Variants in TENM1 observed in about 807,000 individuals in gnomAD.
TENM1 encodes the protein teneurin-1.
A neutral mutation model predicts 174.8 loss-of-function variants in TENM1; 35 were observed. The observed-to-expected ratio is 0.20, with a 90% CI of 0.15 to 0.27. The LOEUF (loss-of-function observed/expected upper bound fraction) is 0.27, where lower values mean the gene tolerates loss of function less well. Ranked by LOEUF, TENM1 falls within the 10% of genes least tolerant of loss-of-function variation. The probability of loss-of-function intolerance (pLI) is 1.00; values close to 1 mark genes in which losing one functional copy is unlikely to be tolerated. For synonymous variants in TENM1, 781 were observed against 798.7 expected, an observed-to-expected ratio of 0.98 and a Z score of 0.37; for missense variants, 1,633 against 2,130.1, an observed-to-expected ratio of 0.77 and a Z score of 4.59.
intron 11 of TENM1, among the ~76,000 whole-genome samples, chrX:124,587,383 C>T (rs1345844434): frequency 3.7e-5 from 4 of 107,014 alleles, no homozygotes; most frequent in Middle Eastern, 4.3e-3. Flanking sequence ...GAAATAATGC[C>T]ACATATCTAC....
chrX:124,644,071 G>A (rs867716231), intron 10 of TENM1, among the ~76,000 whole-genome samples: 1 of 95,957 alleles, frequency 1.0e-5, no homozygotes, highest in Non-Finnish European at 2.1e-5. Context: ...ATATATATGT[G>A]TATATATAAT....
chrX:124,878,138 T>C (rs1274799575), intron 3 of TENM1, among the ~76,000 whole-genome samples: 1 of 111,537 alleles, frequency 9.0e-6, no homozygotes, highest in Non-Finnish European at 1.9e-5. Context: ...GGGCCAACTA[T>C]ATGTTCATGC....
At chrX:124,992,137 G>A in the TENM1 span, among the ~76,000 whole-genome samples, 2 of 111,240 alleles carry the variant, frequency 1.8e-5, no homozygotes, top group African/African-American at 6.5e-5. Flanking sequence ...CTTCCCTGAA[G>A]CATGCTCAAC....
At chrX:124,735,433 TA>T (rs1043605664) in intron 4 of TENM1, among the ~76,000 whole-genome samples, 1 of 111,740 alleles carries the variant, frequency 8.9e-6, no homozygotes, top group African/African-American at 3.3e-5. Context: ...TGGCTATTAT[TA>T]AAAAGTCAAA....
At chrX:124,443,042 C>CTGTGTGTGTGTGTG (rs1288057201) in intron 23 of TENM1, among the ~76,000 whole-genome samples, 1 of 42,178 alleles carries the variant, frequency 2.4e-5, no homozygotes, top group African/African-American at 1.1e-4. Flanking sequence ...GCCTGGATGA[C>CTGTGTGTGTGTGTG]TATGTGTGTG....
chrX:124,836,375 C>A (rs1336183747), intron 3 of TENM1, among the ~76,000 whole-genome samples: 1 of 111,708 alleles, frequency 9.0e-6, no homozygotes, highest in East Asian at 2.8e-4. Context: ...TCTCTCACCT[C>A]TTTCTTCCTT....
At chrX:124,553,818 T>A (rs748474114) in intron 14 of TENM1, among the ~76,000 whole-genome samples, 1 of 111,434 alleles carries the variant, frequency 9.0e-6, no homozygotes, top group African/African-American at 3.3e-5. Context: ...AAAGTAAGCA[T>A]TCAAGGCCCA....
chrX:124,653,459 AT>A, intron 7 of TENM1, 124 bp downstream of exon 10: 1 of 503,586 alleles, frequency 2.0e-6, no homozygotes, highest in Non-Finnish European at 3.3e-6. Context: ...CTGGATATTT[AT>A]TCATGACAAA....
chrX:124,487,438 G>A (rs770542524), intron 20 of TENM1, among the ~76,000 whole-genome samples: 3 of 112,125 alleles, frequency 2.7e-5, no homozygotes, highest in Admixed American at 9.5e-5. Context: ...GTGTCAAGGC[G>A]ATTGCATATT....
At chrX:124,408,538 AC>A (rs2060489640) in intron 25 of TENM1, among the ~76,000 whole-genome samples, 2 of 111,312 alleles carry the variant, frequency 1.8e-5, no homozygotes, top group Non-Finnish European at 3.8e-5. Flanking sequence ...TATCAGGGGA[AC>A]TGTGGCCCCA....
the TENM1 span, among the ~76,000 whole-genome samples, chrX:125,129,038 T>C: frequency 1.8e-5 from 2 of 111,158 alleles, no homozygotes; most frequent in Non-Finnish European, 3.8e-5. Context: ...TTAGAAAAGA[T>C]GCTGGAGAAC....
chrX:124,484,670 A>AT (rs369969864), intron 21 of TENM1, among the ~76,000 whole-genome samples: 64 of 106,735 alleles, frequency 6.0e-4, no homozygotes, highest in African/African-American at 1.3e-3. Flanking sequence ...TCAATGAGGG[A>AT]TTTTTTTTTT....
At chrX:124,678,119 G>A (rs2052137950) in intron 5 of TENM1, among the ~76,000 whole-genome samples, 1 of 111,149 alleles carries the variant, frequency 9.0e-6, no homozygotes, top group South Asian at 3.8e-4. Flanking sequence ...CTTTATATTG[G>A]CAGTTGAAAT....
chrX:124,767,551 AATCT>A (rs976632140), intron 3 of TENM1, among the ~76,000 whole-genome samples: 7 of 111,681 alleles, frequency 6.3e-5, no homozygotes, highest in African/African-American at 1.6e-4. Flanking sequence ...TAGATCTATC[AATCT>A]ATCTATTCTT....
intron 5 of TENM1, among the ~76,000 whole-genome samples, chrX:124,674,795 T>C (rs2052023619): frequency 9.0e-6 from 1 of 111,449 alleles, no homozygotes; most frequent in Non-Finnish European, 1.9e-5. Context: ...GCCTCCCAAA[T>C]AATTTGAATA....
intron 1 of TENM1, among the ~76,000 whole-genome samples, chrX:124,936,586 A>G (rs148634796): frequency 2.1e-3 from 237 of 112,319 alleles, no homozygotes; most frequent in Non-Finnish European, 3.0e-3. Context: ...TGTCTGGCAC[A>G]CAATAGATGT....
At chrX:124,530,830 T>C (rs1277396501) in intron 15 of TENM1, among the ~76,000 whole-genome samples, 1 of 112,387 alleles carries the variant, frequency 8.9e-6, no homozygotes, top group Non-Finnish European at 1.9e-5. Context: ...AGTCCCTAAA[T>C]AGGGCTCTCT....
At chrX:124,774,032 T>G (rs1179199425) in intron 3 of TENM1, among the ~76,000 whole-genome samples, 4 of 111,790 alleles carry the variant, frequency 3.6e-5, no homozygotes, top group Non-Finnish European at 7.5e-5. Context: ...ATAATCCAAC[T>G]GAAACAAAAG....
At chrX:125,130,943 T>C in the TENM1 span, among the ~76,000 whole-genome samples, 3 of 111,801 alleles carry the variant, frequency 2.7e-5, no homozygotes, top group African/African-American at 9.7e-5. Flanking sequence ...TAATAGGTAC[T>C]GTAGAGTAAA....
Sources: gnomAD v4.1 joint callset for allele counts (sites outside exome capture counted in the v4.1 genomes callset) on GRCh38, gnomAD v4.1.1 for gene constraint, MANE v1.5 for transcripts, NCBI Gene and HGNC (gene_info 2026-07-23, HGNC 2026-07-21) for gene names.